PRKAG2: variants seen among roughly 807,000 people sequenced by gnomAD.
The protein encoded by PRKAG2 is protein kinase AMP-activated non-catalytic subunit gamma 2.
Under a neutral mutation model 69.6 loss-of-function variants are expected in PRKAG2, and 26 were observed. The ratio of observed to expected loss-of-function variants is 0.37; its 90% confidence interval spans 0.27 to 0.52. PRKAG2 has a LOEUF of 0.52. Ranked by LOEUF, PRKAG2 falls within the 20% of genes least tolerant of loss-of-function variation. PRKAG2 has a pLI of 0.90. For missense variants in PRKAG2, 557 were observed against 740.0 expected, an observed-to-expected ratio of 0.75 and a Z score of 2.87; for synonymous variants, 293 against 285.0, an observed-to-expected ratio of 1.03 and a Z score of -0.28.
At chr7:151,861,824 G>C (rs1402026363) in intron 1 of PRKAG2, among the ~76,000 whole-genome samples, 1 of 152,164 alleles carries the variant, frequency 6.6e-6, no homozygotes, top group Non-Finnish European at 1.5e-5. Context: ...CTGCCCAATA[G>C]GACACAGGGG....
At chr7:151,707,868 C>G (rs934586960) in intron 3 of PRKAG2, among the ~76,000 whole-genome samples, 3 of 152,226 alleles carry the variant, frequency 2.0e-5, no homozygotes, top group Admixed American at 2.0e-4. Context: ...AAAGAAAGCC[C>G]AGGCATGAGC....
intron 12 of PRKAG2, 34 bp downstream of exon 12, chr7:151,565,686 A>G: frequency 6.3e-7 from 1 of 1,597,716 alleles, no homozygotes. Context: ...GAGATAAACA[A>G]TTATTTCTGC....
intron 1 of PRKAG2, among the ~76,000 whole-genome samples, chr7:151,861,932 C>T (rs181646522): frequency 6.6e-6 from 1 of 151,702 alleles, no homozygotes; most frequent in Admixed American, 6.6e-5. Context: ...TAAAAACCAT[C>T]CCATCTTCCT....
At chr7:151,585,618 T>C (rs535472592) in intron 6 of PRKAG2, among the ~76,000 whole-genome samples, 29 of 152,246 alleles carry the variant, frequency 1.9e-4, no homozygotes, top group Admixed American at 2.0e-4. Context: ...AGTGATCCTA[T>C]GTATAAATTT....
At position 151,715,293 on chromosome 7, in the gene PRKAG2, G is replaced by A. The variant is rs185399831; in HGVS notation, c.467-39656C>T. ...AGCCTCCCAAAGTGCTGGGATTACC[G>A]GCATGAGCCACTGCACCTGGCCTAA... is the stretch of plus-strand genomic sequence containing the variant. On this transcript the variant is annotated intron_variant, in intron 3 of 15. Transcript: ENST00000287878. Among the ~76,000 whole-genome samples, 736 of 115,596 alleles carry A rather than the reference G, an allele frequency of 6.4e-3. 12 individuals carry two copies. Among genetic ancestry groups the A allele is most frequent in the African/African-American group, 0.025 (710 of 28,822 alleles). 75.8% of individuals were successfully genotyped at this position (115,596 alleles called of 152,430 possible).
chr7:151,806,835 T>C (rs758877092), intron 1 of PRKAG2: 1 of 376,394 alleles, frequency 2.7e-6, no homozygotes, highest in Non-Finnish European at 5.2e-6. Flanking sequence ...GGCGTGTTGG[T>C]GCATGCTGTA....
chr7:151,557,391 C>T, intron 15 of PRKAG2, 159 bp from the exon 16 acceptor site: 1 of 985,340 alleles, frequency 1.0e-6, no homozygotes, highest in Non-Finnish European at 1.2e-6. Flanking sequence ...AAGCTCCCAT[C>T]TCCCACCCAA....
chr7:151,581,793 A>C (rs1341763050), intron 6 of PRKAG2, among the ~76,000 whole-genome samples: 2 of 152,174 alleles, frequency 1.3e-5, no homozygotes, highest in East Asian at 3.8e-4. Flanking sequence ...TAACACTCAA[A>C]TATGATGATT....
intron 1 of PRKAG2, among the ~76,000 whole-genome samples, chr7:151,826,934 G>T (rs1259872106): frequency 6.6e-6 from 1 of 152,182 alleles, no homozygotes; most frequent in African/African-American, 2.4e-5. Flanking sequence ...GGTCAGGAAA[G>T]GCTGTATTGA....
intron 5 of PRKAG2, among the ~76,000 whole-genome samples, chr7:151,628,726 A>T (rs1412456753): frequency 7.6e-5 from 10 of 130,906 alleles, no homozygotes. Flanking sequence ...AAAAATTGCT[A>T]TGGGCAAGGC....
In PRKAG2 at chr7:151,836,878, A is replaced by G. The variant is rs1453783167; in HGVS notation, c.114+39629T>C. 6.6e-6 allele frequency among the ~76,000 whole-genome samples: 1 copy of G among 152,210 alleles called. No individual in the cohort carries two copies. Among genetic ancestry groups the G allele is most frequent in the East Asian group, 1.9e-4 (1 of 5,182 alleles). ...TTCTTGGATCATCCACAACAGCGGA[A>G]GCAGAACAGAGTGAGCACTCCAGAC... is the stretch of plus-strand genomic sequence containing the variant. On this transcript the variant is annotated intron_variant, in intron 1 of 15. Coordinates refer to ENST00000287878, the MANE Select transcript of PRKAG2 (RefSeq NM_016203.4). This position sits in a 1 kb window ranked among gnomAD's most constrained non-coding sequence, Gnocchi z 4.1.
Position 151,576,435 on chromosome 7 carries a change from A to G in PRKAG2, c.882T>C (p.Phe294=), listed in dbSNP as rs1554465561. The part of the protein sequence containing the change: ...DTTLQVKKAF[F]ALVANGVRAA... ...CTCGGACACCGTTGGCTACCAAAGC[A>G]AAGAAGGCCTTTTTAACCTGAAGAA... is the stretch of plus-strand genomic sequence containing the variant. The change falls in exon 7 of 16, where the codon TTT becomes TTC. Residue 294 remains phenylalanine (F), a synonymous_variant. Transcript: ENST00000287878. The G allele has an allele frequency of 6.2e-7, 1 of 1,607,258 alleles. No individual in the cohort carries two copies. The highest frequency in any genetic ancestry group is 8.5e-7 in the Non-Finnish European group (1 of 1,173,802).
chr7:151,851,118 G>A (rs553306870), intron 1 of PRKAG2, among the ~76,000 whole-genome samples: 4 of 152,190 alleles, frequency 2.6e-5, no homozygotes, highest in African/African-American at 9.6e-5. Flanking sequence ...GGCCTGGTAG[G>A]GAAATATCAC....
intron 3 of PRKAG2, among the ~76,000 whole-genome samples, chr7:151,775,086 G>A (rs2076273099): frequency 6.6e-6 from 1 of 152,246 alleles, no homozygotes; most frequent in African/African-American, 2.4e-5. Flanking sequence ...TTACACAATT[G>A]TATGTAGGCT....
chr7:151,644,770 G>T (rs1033283605), intron 4 of PRKAG2, among the ~76,000 whole-genome samples: 1 of 152,194 alleles, frequency 6.6e-6, no homozygotes, highest in African/African-American at 2.4e-5. Flanking sequence ...TTCACAGACT[G>T]GCTGTACCAT....
intron 3 of PRKAG2, among the ~76,000 whole-genome samples, chr7:151,704,857 G>A (rs1362739435): frequency 1.3e-5 from 2 of 152,166 alleles, no homozygotes; most frequent in African/African-American, 2.4e-5. Context: ...GCTGCTCAGC[G>A]GTGCGGCAGG....
chr7:151,830,834 T>C (rs56138260), intron 1 of PRKAG2, among the ~76,000 whole-genome samples: 38,453 of 151,066 alleles, frequency 0.25, 5,514 homozygotes, highest in Non-Finnish European at 0.29. Context: ...CTTCTTTCAC[T>C]ATTTATTCTA....
intron 5 of PRKAG2, among the ~76,000 whole-genome samples, chr7:151,618,467 A>T (rs1820689307): frequency 6.7e-6 from 1 of 150,180 alleles, no homozygotes; most frequent in South Asian, 2.1e-4. Flanking sequence ...ATAAAATAAA[A>T]TAAAATAAAA....
Position 151,786,553 on chromosome 7 carries a change from A to G in PRKAG2, c.115-12T>C. Reference sequence around the variant, plus strand: ...AAGGAGCTCAGGTCCTAGGGTGGACAGAGAGCACGTGGTCAGTGACAGTGG... The same window carrying G: ...AAGGAGCTCAGGTCCTAGGGTGGACGGAGAGCACGTGGTCAGTGACAGTGG... On this transcript the variant is annotated splice_polypyrimidine_tract_variant and intron_variant, in intron 1 of 15. Coordinates refer to ENST00000287878, the MANE Select transcript of PRKAG2 (RefSeq NM_016203.4). The G allele has an allele frequency of 6.2e-7, 1 of 1,609,912 alleles. No individual in the cohort carries two copies. Among genetic ancestry groups the G allele is most frequent in the Non-Finnish European group, 8.5e-7 (1 of 1,178,112 alleles).
Sources: allele counts gnomAD v4.1 joint callset (sites outside exome capture counted in the v4.1 genomes callset), GRCh38; gene constraint gnomAD v4.1.1; non-coding constraint Gnocchi (gnomAD v3.1); transcripts MANE v1.5; gene names NCBI Gene and HGNC (gene_info 2026-07-23, HGNC 2026-07-21).